CNTN5: variants seen among roughly 807,000 people sequenced by gnomAD.
CNTN5 encodes contactin 5.
CNTN5 carries 77 observed loss-of-function variants against 129.1 expected under a neutral mutation model. The observed-to-expected ratio is 0.60, with a 90% CI of 0.50 to 0.72. The LOEUF is 0.72. Among genes scored for constraint, CNTN5 ranks in the 30% least tolerant of loss-of-function variants. The pLI is 0.00. For missense variants in CNTN5, 1,478 were observed against 1,328.8 expected (o/e 1.11, Z -1.75); for synonymous variants, 509 against 465.6 (o/e 1.09, Z -1.20).
At chr11:99,641,967 G>A (rs1432033000) in intron 3 of CNTN5, among the ~76,000 whole-genome samples, 1 of 152,178 alleles carries the variant, frequency 6.6e-6, no homozygotes, top group Non-Finnish European at 1.5e-5. Flanking sequence ...TCCCCTAAAA[G>A]CAGGGAAGCA....
intron 13 of CNTN5, among the ~76,000 whole-genome samples, chr11:100,120,021 T>C (rs1212213427): frequency 1.3e-5 from 2 of 151,962 alleles, no homozygotes; most frequent in African/African-American, 4.8e-5. Flanking sequence ...GTTTTTCTCC[T>C]AACATTATAT....
At chr11:99,499,135 A>T (rs1946336540) in intron 2 of CNTN5, among the ~76,000 whole-genome samples, 1 of 152,262 alleles carries the variant, frequency 6.6e-6, no homozygotes, top group South Asian at 2.1e-4. Context: ...TGTCACTGCT[A>T]CTTTGAATTC....
intron 1 of CNTN5, among the ~76,000 whole-genome samples, chr11:99,045,011 T>G (rs117829315): frequency 0.01 from 1,563 of 152,294 alleles, 19 homozygotes; most frequent in South Asian, 0.032. Flanking sequence ...CATGATGTTA[T>G]TGTGAAGATT....
chr11:100,021,866 C>T (rs1941170493), intron 9 of CNTN5, among the ~76,000 whole-genome samples: 1 of 152,116 alleles, frequency 6.6e-6, no homozygotes, highest in Non-Finnish European at 1.5e-5. Flanking sequence ...CGTGTAGGAA[C>T]AAGAGTTAAA....
chr11:99,206,739 TTTAAGCAAG>T (rs1473491338), intron 1 of CNTN5, among the ~76,000 whole-genome samples: 4 of 152,162 alleles, frequency 2.6e-5, no homozygotes, highest in Admixed American at 2.6e-4. Context: ...CTGAAATATC[TTTAAGCAAG>T]TTAAGCAAGG....
At chr11:99,777,546 T>C (rs1945167410) in intron 3 of CNTN5, among the ~76,000 whole-genome samples, 1 of 151,850 alleles carries the variant, frequency 6.6e-6, no homozygotes, top group Non-Finnish European at 1.5e-5. Flanking sequence ...TTTTAATTAC[T>C]TGAAAGCAAT....
In CNTN5 at chr11:99,953,983, T is replaced by G. The variant is rs142060529; in HGVS notation, c.674-2823T>G. Among the ~76,000 whole-genome samples the G allele has an allele frequency of 5.5e-3, 840 of 152,276 alleles. 9 individuals are homozygous for G. Among genetic ancestry groups the G allele is most frequent in the African/African-American group, 0.019 (789 of 41,556 alleles). ...GTTTTTATGGCTTTAGGTCTTATGT[T>G]TAAGTCTTTAATCCATCTTGAGTTA... On this transcript the variant is annotated intron_variant, in intron 7 of 24. Transcript: ENST00000524871.
At chr11:99,733,980 C>T (rs1390070108) in intron 3 of CNTN5, among the ~76,000 whole-genome samples, 9 of 152,120 alleles carry the variant, frequency 5.9e-5, no homozygotes, top group Non-Finnish European at 4.4e-5. Context: ...AGGAAGGAGG[C>T]CCCAGAGTTC....
At chr11:99,492,947 G>A (rs897124348) in intron 2 of CNTN5, among the ~76,000 whole-genome samples, 40 of 152,082 alleles carry the variant, frequency 2.6e-4, no homozygotes, top group Non-Finnish European at 4.7e-4. Flanking sequence ...TTTTCTCTGG[G>A]AACAGGAAAA....
chr11:99,242,867 T>C (rs1479486928), intron 1 of CNTN5, among the ~76,000 whole-genome samples: 1 of 152,162 alleles, frequency 6.6e-6, no homozygotes, highest in Non-Finnish European at 1.5e-5. Context: ...TACCATGTTT[T>C]CTTTATCCAA....
chr11:99,890,038 T>C (rs1481993890), intron 6 of CNTN5, among the ~76,000 whole-genome samples: 2 of 152,218 alleles, frequency 1.3e-5, no homozygotes, highest in Non-Finnish European at 2.9e-5. Flanking sequence ...TGTTTTCTCA[T>C]AGTGCTTATT....
intron 1 of CNTN5, among the ~76,000 whole-genome samples, chr11:99,176,585 G>A (rs928506841): frequency 6.6e-6 from 1 of 152,172 alleles, no homozygotes; most frequent in Non-Finnish European, 1.5e-5. Context: ...AGTTGTGCAA[G>A]CCAAAAGCCT....
chr11:100,199,977 AG>A (rs1208172784), intron 15 of CNTN5, among the ~76,000 whole-genome samples: 1 of 152,044 alleles, frequency 6.6e-6, no homozygotes, highest in African/African-American at 2.4e-5. Context: ...ATTATTTCAG[AG>A]GTTTTAATAT....
At chr11:99,882,545 C>T (rs1048677655) in intron 6 of CNTN5, among the ~76,000 whole-genome samples, 3 of 152,042 alleles carry the variant, frequency 2.0e-5, no homozygotes, top group Non-Finnish European at 4.4e-5. Context: ...ATCTCTAAAT[C>T]ACTCATTTTT....
intron 3 of CNTN5, among the ~76,000 whole-genome samples, chr11:99,619,894 C>A (rs975577910): frequency 6.6e-6 from 1 of 151,658 alleles, no homozygotes; most frequent in Non-Finnish European, 1.5e-5. Flanking sequence ...GGCATGGTGG[C>A]GGGCGCCTGT....
At chr11:99,518,580 A>G (rs1189591492) in intron 2 of CNTN5, among the ~76,000 whole-genome samples, 5 of 152,070 alleles carry the variant, frequency 3.3e-5, no homozygotes, top group African/African-American at 9.7e-5. Flanking sequence ...AATGTTTTAC[A>G]TTGGAAAAGT....
chr11:99,797,366 C>T (rs1282708136), intron 3 of CNTN5, among the ~76,000 whole-genome samples: 1 of 152,112 alleles, frequency 6.6e-6, no homozygotes, highest in African/African-American at 2.4e-5. Flanking sequence ...TACATACCTG[C>T]CAATAGTGTA....
At chr11:100,292,175 G>A (rs930200837) in intron 18 of CNTN5, among the ~76,000 whole-genome samples, 2 of 151,678 alleles carry the variant, frequency 1.3e-5, no homozygotes, top group Non-Finnish European at 2.9e-5. Flanking sequence ...CGGTGCTCTG[G>A]TACTTTCCAG....
chr11:99,695,075 G>T (rs976604332), intron 3 of CNTN5, among the ~76,000 whole-genome samples: 4 of 151,986 alleles, frequency 2.6e-5, no homozygotes, highest in Admixed American at 6.6e-5. Context: ...AAGTCTAATT[G>T]TGAGGAATTT....
Sources: gnomAD v4.1 joint callset for allele counts (sites outside exome capture counted in the v4.1 genomes callset) on GRCh38, gnomAD v4.1.1 for gene constraint, MANE v1.5 for transcripts, NCBI Gene and HGNC (gene_info 2026-07-23, HGNC 2026-07-21) for gene names.